Variants in PTPRD observed in about 807,000 individuals in gnomAD.
PTPRD encodes receptor-type tyrosine-protein phosphatase delta.
PTPRD carries 34 observed loss-of-function variants against 214.5 expected under a neutral mutation model. The observed-to-expected ratio is 0.16, with a 90% CI of 0.12 to 0.21. The LOEUF is 0.21. Among genes scored for constraint, PTPRD ranks in the 10% least tolerant of loss-of-function variants. The pLI, the probability that PTPRD is intolerant of heterozygous loss-of-function variation, is 1.00. For missense variants in PTPRD, 2,545 were observed against 2,398.7 expected, an observed-to-expected ratio of 1.06 and a Z score of -1.27; for synonymous variants, 1,128 against 845.7, an observed-to-expected ratio of 1.33 and a Z score of -5.79.
At chr9:8,918,118 G>C (rs529018799) in intron 11 of PTPRD, among the ~76,000 whole-genome samples, 1 of 152,102 alleles carries the variant, frequency 6.6e-6, no homozygotes, top group Non-Finnish European at 1.5e-5. Context: ...TCACCTGCTC[G>C]AGCAGCCAGA....
intron 6 of PTPRD, among the ~76,000 whole-genome samples, chr9:9,766,191 G>C (rs529130210): frequency 2.0e-5 from 3 of 152,054 alleles, no homozygotes; most frequent in South Asian, 4.2e-4. Context: ...TTATAACTCA[G>C]TTATAGCTCA....
chr9:8,648,008 T>C (rs1425013202), intron 12 of PTPRD, among the ~76,000 whole-genome samples: 1 of 152,228 alleles, frequency 6.6e-6, no homozygotes, highest in Non-Finnish European at 1.5e-5. Flanking sequence ...TGATCTCACC[T>C]GGGATTATTT....
At chr9:10,202,584 AAT>A (rs1278991236) in intron 3 of PTPRD, among the ~76,000 whole-genome samples, 66 of 149,986 alleles carry the variant, frequency 4.4e-4, no homozygotes, top group Non-Finnish European at 6.8e-4. Context: ...TCATGATTTA[AAT>A]AGTCATTTAG....
chr9:9,408,571 C>T (rs962360050), intron 8 of PTPRD, among the ~76,000 whole-genome samples: 2 of 151,822 alleles, frequency 1.3e-5, no homozygotes, highest in African/African-American at 4.8e-5. Flanking sequence ...TTTTCATCAG[C>T]TTCCACTTAC....
intron 12 of PTPRD, among the ~76,000 whole-genome samples, chr9:8,688,964 T>C (rs2097751083): frequency 6.6e-6 from 1 of 152,184 alleles, no homozygotes; most frequent in African/African-American, 2.4e-5. Flanking sequence ...TTGAAGAATG[T>C]TCTAAATTTT....
At chr9:9,811,841 G>A (rs1490847181) in intron 5 of PTPRD, among the ~76,000 whole-genome samples, 1 of 152,058 alleles carries the variant, frequency 6.6e-6, no homozygotes, top group African/African-American at 2.4e-5. Flanking sequence ...GAGTTTGAGG[G>A]GATTGACTCT....
chr9:8,437,056 C>T (rs959240648), intron 34 of PTPRD: 3 of 645,852 alleles, frequency 4.6e-6, no homozygotes, highest in Non-Finnish European at 7.8e-6. Context: ...CCTTCTCCTG[C>T]ACTGTGTGAA....
At chr9:10,068,346 C>T (rs2097921594) in intron 3 of PTPRD, among the ~76,000 whole-genome samples, 1 of 151,816 alleles carries the variant, frequency 6.6e-6, no homozygotes, top group Non-Finnish European at 1.5e-5. Flanking sequence ...GAATTGCCTT[C>T]AAGGTGAGTA....
chr9:10,564,493 T>A (rs1016987911), intron 2 of PTPRD, among the ~76,000 whole-genome samples: 2 of 151,780 alleles, frequency 1.3e-5, no homozygotes, highest in African/African-American at 4.8e-5. Context: ...AGTATGATAG[T>A]TCCTGGAAGT....
intron 4 of PTPRD, among the ~76,000 whole-genome samples, chr9:10,015,218 A>T (rs7872523): frequency 0.83 from 126,536 of 152,084 alleles, 53,388 homozygotes; most frequent in African/African-American, 0.96. Flanking sequence ...CAGAGTTACC[A>T]GCTTTTTCAT....
At chr9:9,484,728 C>G (rs2095556563) in intron 8 of PTPRD, among the ~76,000 whole-genome samples, 1 of 152,088 alleles carries the variant, frequency 6.6e-6, no homozygotes, top group African/African-American at 2.4e-5. Context: ...TTTACGAGGT[C>G]ATATAGGTAT....
At chr9:9,245,257 T>C in intron 9 of PTPRD, among the ~76,000 whole-genome samples, 1 of 152,118 alleles carries the variant, frequency 6.6e-6, no homozygotes, top group African/African-American at 2.4e-5. Context: ...GAACTAGAAA[T>C]ACCATTTGAC....
intron 8 of PTPRD, among the ~76,000 whole-genome samples, chr9:9,480,828 C>T (rs2095378435): frequency 2.0e-5 from 3 of 151,968 alleles, no homozygotes; most frequent in South Asian, 4.1e-4. Flanking sequence ...ACATGTGGTA[C>T]GTGGACTGTC....
intron 4 of PTPRD, among the ~76,000 whole-genome samples, chr9:10,030,811 G>T (rs112854750): frequency 6.6e-6 from 1 of 152,126 alleles, no homozygotes; most frequent in African/African-American, 2.4e-5. Flanking sequence ...CTCCCATCCC[G>T]CTTCATCTTC....
intron 12 of PTPRD, among the ~76,000 whole-genome samples, chr9:8,649,557 G>T (rs1465230577): frequency 6.6e-6 from 1 of 152,164 alleles, no homozygotes; most frequent in Non-Finnish European, 1.5e-5. Context: ...TAATAAAACA[G>T]ATTTAAAATG....
chr9:9,113,115 C>T (rs368708655), intron 10 of PTPRD, among the ~76,000 whole-genome samples: 3 of 151,728 alleles, frequency 2.0e-5, no homozygotes, highest in East Asian at 3.9e-4. Context: ...TGGATGTGTA[C>T]CACCATGCCC....
chr9:8,664,747 T>C (rs980680587), intron 12 of PTPRD, among the ~76,000 whole-genome samples: 1 of 152,240 alleles, frequency 6.6e-6, no homozygotes, highest in Non-Finnish European at 1.5e-5. Flanking sequence ...AGAAGCTGCT[T>C]TAAAATATTT....
At chr9:9,965,365 G>T (rs551409029) in intron 4 of PTPRD, among the ~76,000 whole-genome samples, 1 of 152,128 alleles carries the variant, frequency 6.6e-6, no homozygotes, top group Non-Finnish European at 1.5e-5. Flanking sequence ...CTTTCAAAAC[G>T]GAGGAGACTG....
intron 7 of PTPRD, among the ~76,000 whole-genome samples, chr9:9,615,011 G>A (rs964241344): frequency 4.6e-5 from 7 of 152,112 alleles, no homozygotes; most frequent in African/African-American, 1.7e-4. Context: ...CAGGAGGAAG[G>A]GGCTTCCTGC....
Sources: allele counts gnomAD v4.1 joint callset (sites outside exome capture counted in the v4.1 genomes callset), GRCh38; gene constraint gnomAD v4.1.1; transcripts MANE v1.5; gene names NCBI Gene and HGNC (gene_info 2026-07-23, HGNC 2026-07-21).